FAM107A: variants seen among roughly 807,000 people sequenced by gnomAD.
The protein encoded by FAM107A is actin-associated protein FAM107A.
In FAM107A, 19 loss-of-function variants were observed where a neutral mutation model predicts 13.7. That is an observed-to-expected ratio of 1.38 (90% CI 0.97 to 2.03). The LOEUF (loss-of-function observed/expected upper bound fraction) is 2.03, where lower values mean the gene tolerates loss of function less well. Ranked by LOEUF, FAM107A falls within the 30% of genes most tolerant of loss-of-function variation. FAM107A has a pLI of 0.00. For synonymous variants in FAM107A, 82 were observed against 74.5 expected, an observed-to-expected ratio of 1.10 and a Z score of -0.52; for missense variants, 203 against 184.4, an observed-to-expected ratio of 1.10 and a Z score of -0.58.
intron 1 of FAM107A, among the ~76,000 whole-genome samples, chr3:58,594,541 C>G (rs1159215752): frequency 6.6e-6 from 1 of 152,212 alleles, no homozygotes; most frequent in Non-Finnish European, 1.5e-5. Flanking sequence ...TACACAAGGT[C>G]TCTTCTTCCT....
intron 1 of FAM107A, among the ~76,000 whole-genome samples, chr3:58,597,076 C>T (rs193192241): frequency 1.2e-4 from 18 of 152,198 alleles, no homozygotes; most frequent in South Asian, 2.1e-4. Context: ...GGCTATGTCA[C>T]AGTTTGCTGA....
At chr3:58,581,374 A>T (rs1387141346), upstream of FAM107A, among the ~76,000 whole-genome samples, 2 of 152,358 alleles carry the variant, frequency 1.3e-5, no homozygotes, top group African/African-American at 4.8e-5. Flanking sequence ...GTGTGCAGAA[A>T]ATAACCTCCC....
rs1382900229 is a variant in FAM107A at position 58,566,452 on chromosome 3, G to C, written c.*136C>G. The C allele has an allele frequency of 7.4e-6, 5 of 676,116 alleles. No homozygotes were observed. Among genetic ancestry groups the C allele is most frequent in the Non-Finnish European group, 1.3e-5 (5 of 396,058 alleles). 41.9% of individuals were successfully genotyped at this position (676,116 alleles called of 1,614,324 possible). On this transcript the variant is annotated 3_prime_UTR_variant, in exon 4 of 4. Transcript: ENST00000360997. The stretch of plus-strand genomic sequence containing the variant: ...CCCAGGGAGAGCCAGGCCCTCTGGG[G>C]TGACACATTTCTACAGAAGCAGGTG...
chr3:58,597,964 G>C (rs757261856), intron 1 of FAM107A, among the ~76,000 whole-genome samples: 19 of 152,364 alleles, frequency 1.2e-4, no homozygotes, highest in South Asian at 4.1e-4. Context: ...CTGAGGCTCA[G>C]TGAGGTTAAG....
intron 1 of FAM107A, among the ~76,000 whole-genome samples, chr3:58,620,305 C>T (rs2065941633): frequency 6.6e-6 from 1 of 152,150 alleles, no homozygotes; most frequent in Non-Finnish European, 1.5e-5. Context: ...ACTTGACCCC[C>T]TTCTAATCTC....
intron 1 of FAM107A, among the ~76,000 whole-genome samples, chr3:58,607,509 G>C (rs1253104764): frequency 1.3e-5 from 2 of 152,166 alleles, no homozygotes; most frequent in African/African-American, 2.4e-5. Flanking sequence ...TTTAACAATA[G>C]AATATGGCAA....
At chr3:58,611,827 A>G (rs1185584511) in intron 1 of FAM107A, among the ~76,000 whole-genome samples, 1 of 152,352 alleles carries the variant, frequency 6.6e-6, no homozygotes, top group East Asian at 1.9e-4. Flanking sequence ...CACGTAAAGT[A>G]TTTGGATAGA....
At chr3:58,567,400 C>A in intron 2 of FAM107A, 36 bp from the exon 3 acceptor site, 4 of 1,582,198 alleles carry the variant, frequency 2.5e-6, no homozygotes, top group Non-Finnish European at 3.4e-6. Flanking sequence ...AGGAGACCAT[C>A]ACCTTCCCGC....
chr3:58,590,254 C>T (rs973410494), upstream of FAM107A, among the ~76,000 whole-genome samples: 7 of 152,348 alleles, frequency 4.6e-5, no homozygotes, highest in Admixed American at 4.6e-4. Context: ...GATCTCAGCA[C>T]ATGGCTCTAC....
In FAM107A at chr3:58,624,842, T is replaced by C. The variant is rs535597229; in HGVS notation, c.-70+2574A>G. On this transcript the variant is annotated intron_variant, in intron 1 of 3. Coordinates refer to the FAM107A transcript ENST00000465970. ...TTCAACTTTCACACATACTACCAAC[T>C]ATTTTTTGCCTGCCTATTAGTCTCT... 4.1e-4 allele frequency among the ~76,000 whole-genome samples: 63 copies of C among 152,328 alleles called. No homozygotes were observed. The Middle Eastern group carries it at 0.014, about 33-fold the overall frequency.
intron 1 of FAM107A, chr3:58,609,113 C>G (rs967230872): frequency 6.6e-6 from 1 of 152,106 alleles, no homozygotes; most frequent in Admixed American, 6.5e-5. Flanking sequence ...GATGCAGGAG[C>G]TGGAAATGGC....
rs897652906 is a variant in FAM107A, at chr3:58,564,424, G to A, written c.*2164C>T. 6.6e-6 allele frequency: 1 copy of A among 152,252 alleles called. No homozygotes were observed. The highest frequency in any genetic ancestry group is 2.4e-5 in the African/African-American group (1 of 41,470). The allele number at this position is 152,252 out of a possible 1,614,324, so 9.4% of individuals were successfully genotyped here. On this transcript the variant is annotated 3_prime_UTR_variant, in exon 4 of 4. Coordinates refer to ENST00000360997, the MANE Select transcript of FAM107A (RefSeq NM_001076778.3). This position sits in a 1 kb window ranked among gnomAD's most constrained non-coding sequence, Gnocchi z 5.6. ...CATAGCCATCCTAAGCTGCAAAGGAGACTGGAACAGTGAAAATCTGGATTT... is the reference window on the plus strand; with the variant it reads ...CATAGCCATCCTAAGCTGCAAAGGAAACTGGAACAGTGAAAATCTGGATTT...
intron 1 of FAM107A, among the ~76,000 whole-genome samples, chr3:58,609,745 C>A (rs933277402): frequency 1.4e-5 from 2 of 141,966 alleles, no homozygotes; most frequent in African/African-American, 3.1e-5. Flanking sequence ...TTGGGTTCCT[C>A]ACATGGATAT....
upstream of FAM107A, among the ~76,000 whole-genome samples, chr3:58,580,846 A>C (rs531977106): frequency 6.6e-6 from 1 of 152,334 alleles, no homozygotes; most frequent in South Asian, 2.1e-4. Flanking sequence ...TAAAAGAAAA[A>C]AAAAGGCCCT....
chr3:58,582,782 A>G (rs1473058096), intron 1 of FAM107A, among the ~76,000 whole-genome samples: 1 of 152,174 alleles, frequency 6.6e-6, no homozygotes, highest in East Asian at 1.9e-4. Flanking sequence ...TTGATAACTC[A>G]CTTAAGAGCA....
intron 1 of FAM107A, among the ~76,000 whole-genome samples, chr3:58,600,156 T>G (rs1274683810): frequency 2.0e-5 from 3 of 152,168 alleles, no homozygotes; most frequent in African/African-American, 7.2e-5. Flanking sequence ...GTGCTTTGCC[T>G]GACAGGGGAA....
chr3:58,590,934 T>C (rs1213270443), upstream of FAM107A, among the ~76,000 whole-genome samples: 1 of 152,218 alleles, frequency 6.6e-6, no homozygotes, highest in Non-Finnish European at 1.5e-5. Flanking sequence ...TTCTGTGTCA[T>C]GTTTTCCCTT....
At chr3:58,585,483 C>G (rs570383083) in intron 1 of FAM107A, among the ~76,000 whole-genome samples, 2 of 152,258 alleles carry the variant, frequency 1.3e-5, no homozygotes, top group East Asian at 3.8e-4. Flanking sequence ...GGGATCTCCC[C>G]CAGGCGGGGC....
At chr3:58,605,735 C>G (rs987350910) in intron 1 of FAM107A, among the ~76,000 whole-genome samples, 6 of 152,126 alleles carry the variant, frequency 3.9e-5, no homozygotes, top group Admixed American at 3.9e-4. Context: ...ATCCTTACCC[C>G]CTCTCTATAA....
Sources: allele counts gnomAD v4.1 joint callset (sites outside exome capture counted in the v4.1 genomes callset), GRCh38; gene constraint gnomAD v4.1.1; non-coding constraint Gnocchi (gnomAD v3.1); transcripts MANE v1.5; gene names NCBI Gene and HGNC (gene_info 2026-07-23, HGNC 2026-07-21).